The following OR6C4 variants were observed in gnomAD, a reference collection of about 807,000 sequenced individuals.
OR6C4 encodes olfactory receptor family 6 subfamily C member 4, also known as olfactory receptor 6C4.
Under a neutral mutation model 15.1 loss-of-function variants are expected in OR6C4, and 20 were observed. That is an observed-to-expected ratio of 1.32 (90% CI 0.93 to 1.92). The LOEUF (loss-of-function observed/expected upper bound fraction) is 1.92. Ranked by LOEUF, OR6C4 falls within the 30% of genes most tolerant of loss-of-function variation. The pLI is 0.00. For synonymous variants in OR6C4, 179 were observed against 134.2 expected (o/e 1.33, Z -2.31); for missense variants, 491 against 363.2 (o/e 1.35, Z -2.86).
chr12:55,552,363 T>C lies in OR6C4; in HGVS notation c.*207T>C, dbSNP rs1873899104. The C allele has an allele frequency of 2.2e-6, 1 of 444,658 alleles. No individual in the cohort carries two copies. Among genetic ancestry groups the C allele is most frequent in the Non-Finnish European group, 3.9e-6 (1 of 254,722 alleles). 27.5% of individuals were successfully genotyped at this position (444,658 alleles called of 1,614,324 possible). A position where few individuals can be genotyped will look rare whatever the true frequency, so the allele number is the denominator to read the frequency against. Reference sequence around the variant, plus strand: ...ACAAAAAACAAAATAATATTTTAATTGTTATTAGAGAAGAGTGAATGGGGA... The same window carrying C: ...ACAAAAAACAAAATAATATTTTAATCGTTATTAGAGAAGAGTGAATGGGGA... On this transcript the variant is annotated 3_prime_UTR_variant, in exon 2 of 2. Coordinates refer to ENST00000641569, the MANE Select transcript of OR6C4 (RefSeq NM_001005494.2).
chr12:55,552,013 A>G lies in OR6C4; in HGVS notation c.787A>G (p.Lys263Glu). The G allele has an allele frequency of 6.2e-7, 1 of 1,613,622 alleles. No individual in the cohort carries two copies. The highest frequency in any genetic ancestry group is 2.2e-5 in the East Asian group (1 of 44,866). ...CMFMYINPSA[K>E]EGGAFNKGIA... ...GTTTATGTACATTAATCCTTCTGCA[A>G]AAGAAGGAGGTGCTTTCAACAAAGG... Residue 263 changes from lysine (K) to glutamate (E), a missense_variant, in exon 2 of 2, where the codon AAA becomes GAA. Lys to Glu is a moderately conservative substitution (Grantham distance 56). Transcript: ENST00000641569.
chr12:55,550,641 C>T (rs909513401), intron 1 of OR6C4, among the ~76,000 whole-genome samples: 4 of 152,144 alleles, frequency 2.6e-5, no homozygotes, highest in African/African-American at 4.8e-5. Flanking sequence ...GAGGAAAAGA[C>T]TCACAATACA....
At chr12:55,550,897 C>A (rs943314555) in intron 1 of OR6C4, among the ~76,000 whole-genome samples, 4 of 152,110 alleles carry the variant, frequency 2.6e-5, no homozygotes, top group African/African-American at 9.7e-5. Context: ...AAGTGCTTTA[C>A]TTGTGAAGAT....
chr12:55,552,261 A>G lies in OR6C4; in HGVS notation c.*105A>G, dbSNP rs1030131589. On this transcript the variant is annotated 3_prime_UTR_variant, in exon 2 of 2. Transcript: ENST00000641569. ...CCTTGAAGATTAAAATAGGAAAAGTATATGTCTTAATTTCAAGAAAACTAT... is the reference window on the plus strand; with the variant it reads ...CCTTGAAGATTAAAATAGGAAAAGTGTATGTCTTAATTTCAAGAAAACTAT... 31 of 678,036 alleles carry G rather than the reference A, an allele frequency of 4.6e-5. No homozygotes were observed. In the South Asian group the frequency reaches 5.6e-4, roughly 12 times the overall value. 42.0% of individuals were successfully genotyped at this position (678,036 alleles called of 1,614,324 possible). A position where few individuals can be genotyped will look rare whatever the true frequency, so the allele number is the denominator to read the frequency against.
In OR6C4 at chr12:55,551,533, A is replaced by G; in HGVS notation, c.307A>G (p.Ile103Val). Reference sequence around the variant, plus strand: ...CTGCTTGACTCAGTATTTTTTTGCTATATTTCTTGGAGCTACCGAGTTTTA... The same window carrying G: ...CTGCTTGACTCAGTATTTTTTTGCTGTATTTCTTGGAGCTACCGAGTTTTA... ...AGCLTQYFFAIFLGATEFYLL... is the reference protein window; with the variant it reads ...AGCLTQYFFAVFLGATEFYLL... Residue 103 changes from isoleucine to valine, a missense_variant, in exon 2 of 2, where the codon ATA (isoleucine) becomes GTA (valine). Transcript: ENST00000641569. 1.2e-6 allele frequency: 2 copies of G among 1,613,766 alleles called. No individual in the cohort carries two copies. The highest frequency in any genetic ancestry group is 1.1e-5 in the South Asian group (1 of 91,064).
At position 55,551,341 on chromosome 12, in the gene OR6C4, G is replaced by A; in HGVS notation, c.115G>A (p.Gly39Arg). 6.2e-7 allele frequency: 1 copy of A among 1,613,576 alleles called. No individual in the cohort carries two copies. Among genetic ancestry groups the A allele is most frequent in the South Asian group, 1.1e-5 (1 of 91,046 alleles). ...LFLTYMLSIL[G>R]NLTIITLTLL... is the part of the protein sequence containing the mutation. The stretch of plus-strand genomic sequence containing the variant: ...CCTCACCTACATGCTAAGTATCCTA[G>A]GAAATCTGACTATTATCACCCTCAC... The change falls in exon 2 of 2, where the codon GGA becomes AGA. Residue 39 changes from glycine to arginine, a missense_variant. Coordinates refer to ENST00000641569, the MANE Select transcript of OR6C4 (RefSeq NM_001005494.2).
Position 55,551,826 on chromosome 12 carries a change from G to A in OR6C4, c.600G>A (p.Leu200=). 1 of 1,613,726 alleles carries A rather than the reference G, an allele frequency of 6.2e-7. No individual in the cohort carries two copies. The highest frequency in any genetic ancestry group is 8.5e-7 in the Non-Finnish European group (1 of 1,179,890). Residue 200 remains leucine, a synonymous_variant, in exon 2 of 2, where the codon TTG becomes TTA. Transcript: ENST00000641569. Reference sequence around the variant, plus strand: ...TCTTAGAACTGATGGTCATCCTCTTGGCCGTTGTGACTCTCATGGTTACTC... The same window carrying A: ...TCTTAGAACTGATGGTCATCCTCTTAGCCGTTGTGACTCTCATGGTTACTC... The part of the protein sequence containing the change: ...TSLLELMVIL[L]AVVTLMVTLV...
chr12:55,553,337 T>C lies in OR6C4; in HGVS notation c.*1181T>C, dbSNP rs1447029693. On this transcript the variant is annotated 3_prime_UTR_variant, in exon 2 of 2. Coordinates refer to ENST00000641569, the MANE Select transcript of OR6C4 (RefSeq NM_001005494.2). Reference sequence around the variant, plus strand: ...AGCATTTGTACACAGTTTAATAATATCTTAAAAAATTGCAGGAGCTTTGTT... The same window carrying C: ...AGCATTTGTACACAGTTTAATAATACCTTAAAAAATTGCAGGAGCTTTGTT... 4.6e-5 allele frequency: 7 copies of C among 152,112 alleles called. No homozygotes were observed. The highest frequency in any genetic ancestry group is 3.9e-4 in the Admixed American group (6 of 15,248). 9.4% of individuals were successfully genotyped at this position (152,112 alleles called of 1,614,324 possible).
Position 55,552,063 on chromosome 12 carries a change from T to A in OR6C4, c.837T>A (p.Val279=). 1.2e-6 allele frequency: 2 copies of A among 1,613,174 alleles called. No homozygotes were observed. Among genetic ancestry groups the A allele is most frequent in the Non-Finnish European group, 1.7e-6 (2 of 1,179,508 alleles). Residue 279 remains valine (V), a synonymous_variant, in exon 2 of 2, where the codon GTT becomes GTA. Transcript: ENST00000641569. ...NKGIAVLITS[V]TPLLNPFIYT... is the part of the protein sequence containing the mutation. ...GAATAGCTGTACTCATTACTTCGGT[T>A]ACTCCCTTACTGAATCCCTTCATAT...
rs1248857325 is a variant in OR6C4 at position 55,551,739 on chromosome 12, T to A, written c.513T>A (p.Ile171=). 1 of 1,613,896 alleles carries A rather than the reference T, an allele frequency of 6.2e-7. No homozygotes were observed. Among genetic ancestry groups the A allele is most frequent in the Non-Finnish European group, 8.5e-7 (1 of 1,179,890 alleles). The change falls in exon 2 of 2, where the codon ATT becomes ATA. Residue 171 remains isoleucine, a synonymous_variant. Coordinates refer to ENST00000641569, the MANE Select transcript of OR6C4 (RefSeq NM_001005494.2). ...AGGTAGATTTCTGTGTCTCCAACAT[T>A]CTGAATCACTATTACTGTGACTATG... The part of the protein sequence containing the change: ...MTQVDFCVSN[I]LNHYYCDYGP...
rs201366396 is a variant in OR6C4, at chr12:55,551,601, C to T, written c.375C>T (p.Cys125=). The stretch of plus-strand genomic sequence containing the variant: ...CTTATGATCGTTATGTGGCCATCTG[C>T]AAACCCTTGCATTACCTGACTATTA... ...SMSYDRYVAI[C]KPLHYLTIMS... is the part of the protein sequence containing the mutation. The change falls in exon 2 of 2, where the codon TGC becomes TGT. Residue 125 remains cysteine (C), a synonymous_variant. Transcript: ENST00000641569. The T allele has an allele frequency of 2.4e-5, 38 of 1,613,972 alleles. No homozygotes were observed. In the Admixed American group the frequency reaches 3.5e-4, roughly 15 times the overall value.
In OR6C4 at chr12:55,555,524, T is replaced by G. The variant is rs143715927; in HGVS notation, c.*3368T>G. Reference sequence around the variant, plus strand: ...CAGGTGCAGTGGCTCTTGCCTGTAATCCCAGAAATTTGGGAGGCTGAGGAG... The same window carrying G: ...CAGGTGCAGTGGCTCTTGCCTGTAAGCCCAGAAATTTGGGAGGCTGAGGAG... On this transcript the variant is annotated 3_prime_UTR_variant, in exon 2 of 2. Coordinates refer to ENST00000641569, the MANE Select transcript of OR6C4 (RefSeq NM_001005494.2). The G allele has an allele frequency of 9.2e-3, 1,405 of 152,370 alleles. 7 individuals carry two copies. Among genetic ancestry groups the G allele is most frequent in the Non-Finnish European group, 0.016 (1,110 of 68,080 alleles). 9.4% of individuals were successfully genotyped at this position (152,370 alleles called of 1,614,324 possible).
At position 55,551,948 on chromosome 12, in the gene OR6C4, C is replaced by T; in HGVS notation, c.722C>T (p.Ser241Phe). 6.2e-7 allele frequency: 1 copy of T among 1,613,832 alleles called. No individual in the cohort carries two copies. Among genetic ancestry groups the T allele is most frequent in the South Asian group, 1.1e-5 (1 of 91,076 alleles). Residue 241 changes from serine to phenylalanine, a missense_variant, in exon 2 of 2, where the codon TCC becomes TTC. By Grantham distance (155) the Ser-to-Phe change is radical. Coordinates refer to ENST00000641569, the MANE Select transcript of OR6C4 (RefSeq NM_001005494.2). ...QRTKAFSTCSSHMIVISLSYG... is the reference protein window; with the variant it reads ...QRTKAFSTCSFHMIVISLSYG... ...ACAAAGGCCTTTTCCACTTGTTCCT[C>T]CCACATGATTGTCATCTCCCTCTCT...
rs1261083798 is a variant in OR6C4, at chr12:55,552,091, A to C, written c.865A>C (p.Thr289Pro). Residue 289 changes from threonine to proline, a missense_variant, in exon 2 of 2, where the codon ACT (threonine) becomes CCT (proline). By Grantham distance (38) the Thr-to-Pro change is conservative (BLOSUM62 -1). Transcript: ENST00000641569. The stretch of plus-strand genomic sequence containing the variant: ...TCCCTTACTGAATCCCTTCATATAT[A>C]CTTTAAGAAATCAGCAAGTGAAACA... Reference protein sequence around the residue: ...VTPLLNPFIYTLRNQQVKQAF... With the variant: ...VTPLLNPFIYPLRNQQVKQAF... 2 of 1,609,190 alleles carry C rather than the reference A, an allele frequency of 1.2e-6. No individual in the cohort carries two copies. The highest frequency in any genetic ancestry group is 2.2e-5 in the South Asian group (2 of 89,562).
intron 1 of OR6C4, 116 bp from the exon 2 acceptor site, chr12:55,551,093 T>A: frequency 1.5e-6 from 1 of 666,432 alleles, no homozygotes; most frequent in Non-Finnish European, 2.6e-6. Context: ...GGACACTGGT[T>A]TGGGCCATAT....
chr12:55,551,551 G>C lies in OR6C4; in HGVS notation c.325G>C (p.Glu109Gln), dbSNP rs78982301. The change falls in exon 2 of 2, where the codon GAG becomes CAG. Residue 109 changes from glutamate to glutamine, a missense_variant. By Grantham distance (29) the Glu-to-Gln change is conservative (BLOSUM62 2). Coordinates refer to ENST00000641569, the MANE Select transcript of OR6C4 (RefSeq NM_001005494.2). ...TTTTGCTATATTTCTTGGAGCTACC[G>C]AGTTTTACCTCCTGGCCTCCATGTC... ...YFFAIFLGAT[E>Q]FYLLASMSYD... 5.3e-4 allele frequency: 857 copies of C among 1,613,664 alleles called. No individual in the cohort carries two copies. Among genetic ancestry groups the C allele is most frequent in the Non-Finnish European group, 6.7e-4 (791 of 1,179,908 alleles).
At position 55,551,519 on chromosome 12, in the gene OR6C4, A is replaced by G. The variant is rs775806029; in HGVS notation, c.293A>G (p.Gln98Arg). ...ATCAGCTTTGCTGGCTGCTTGACTC[A>G]GTATTTTTTTGCTATATTTCTTGGA... The part of the protein sequence containing the change: ...KVISFAGCLT[Q>R]YFFAIFLGAT... The change falls in exon 2 of 2, where the codon CAG (glutamine) becomes CGG (arginine). Residue 98 changes from glutamine to arginine, a missense_variant. Physicochemically the swap from Gln to Arg is conservative, Grantham distance 43 (BLOSUM62 1). Coordinates refer to ENST00000641569, the MANE Select transcript of OR6C4 (RefSeq NM_001005494.2). The G allele has an allele frequency of 2.5e-6, 4 of 1,613,952 alleles. No individual in the cohort carries two copies.
Position 55,553,735 on chromosome 12 carries a change from G to A in OR6C4, c.*1579G>A, listed in dbSNP as rs971019303. 2 of 152,126 alleles carry A rather than the reference G, an allele frequency of 1.3e-5. No homozygotes were observed. Among genetic ancestry groups the A allele is most frequent in the African/African-American group, 4.8e-5 (2 of 41,440 alleles). The allele number at this position is 152,126 out of a possible 1,614,324, so 9.4% of individuals were successfully genotyped here. ...TACTAAAACCTATGGTACAGTGGGA[G>A]CAATGTCATATAGTGGCTTAAAACA... On this transcript the variant is annotated 3_prime_UTR_variant, in exon 2 of 2. Coordinates refer to ENST00000641569, the MANE Select transcript of OR6C4 (RefSeq NM_001005494.2).
In OR6C4 at chr12:55,551,501, T is replaced by C. The variant is rs771828921; in HGVS notation, c.275T>C (p.Phe92Ser). The change falls in exon 2 of 2, where the codon TTT becomes TCT. Residue 92 changes from phenylalanine to serine, a missense_variant. By Grantham distance (155) the Phe-to-Ser change is radical. Coordinates refer to ENST00000641569, the MANE Select transcript of OR6C4 (RefSeq NM_001005494.2). ...ACAACAGGAAATAAAGTTATCAGCT[T>C]TGCTGGCTGCTTGACTCAGTATTTT... ...SMTTGNKVIS[F>S]AGCLTQYFFA... 1 of 1,614,010 alleles carries C rather than the reference T, an allele frequency of 6.2e-7. No individual in the cohort carries two copies. Among genetic ancestry groups the C allele is most frequent in the Non-Finnish European group, 8.5e-7 (1 of 1,179,936 alleles).
Sources: allele counts gnomAD v4.1 joint callset (sites outside exome capture counted in the v4.1 genomes callset), GRCh38; gene constraint gnomAD v4.1.1; transcripts MANE v1.5; gene names NCBI Gene and HGNC (gene_info 2026-07-23, HGNC 2026-07-21).